The following SNTG2 variants were observed in gnomAD, a reference collection of about 807,000 sequenced individuals.
SNTG2 encodes the protein syntrophin gamma 2, also known as gamma-2-syntrophin.
SNTG2 carries 74 observed loss-of-function variants against 70.9 expected under a neutral mutation model. The ratio of observed to expected loss-of-function variants is 1.04; its 90% CI spans 0.86 to 1.27. SNTG2 has a LOEUF of 1.27. SNTG2 is among the 50% of genes most tolerant of loss of function. The pLI, the probability that SNTG2 is intolerant of heterozygous loss-of-function variation, is 0.00. For missense variants in SNTG2, 717 were observed against 690.7 expected, an observed-to-expected ratio of 1.04 and a Z score of -0.43; for synonymous variants, 278 against 273.8, an observed-to-expected ratio of 1.02 and a Z score of -0.15.
intron 1 of SNTG2, among the ~76,000 whole-genome samples, chr2:1,027,075 T>C (rs1389862781): frequency 6.6e-6 from 1 of 152,238 alleles, no homozygotes; most frequent in Non-Finnish European, 1.5e-5. Flanking sequence ...CAGTTAGTTC[T>C]CTGTGTCCCG....
intron 4 of SNTG2, among the ~76,000 whole-genome samples, chr2:1,117,681 A>G (rs1667124845): frequency 6.6e-6 from 1 of 152,214 alleles, no homozygotes; most frequent in East Asian, 1.9e-4. Context: ...CGAGCTCCCC[A>G]GAGTTCAAGC....
At chr2:1,326,798 A>C (rs570031286) in intron 16 of SNTG2, among the ~76,000 whole-genome samples, 2 of 152,314 alleles carry the variant, frequency 1.3e-5, no homozygotes, top group East Asian at 3.9e-4. Context: ...ACACAAGATA[A>C]AATTTTCATA....
chr2:1,307,112 G>T (rs1225246747), intron 14 of SNTG2, among the ~76,000 whole-genome samples: 2 of 148,722 alleles, frequency 1.3e-5, no homozygotes, highest in Non-Finnish European at 3.0e-5. Context: ...TGTGTGTGTG[G>T]TGTGTGAGCC....
chr2:988,784 A>G (rs1661409788), intron 1 of SNTG2, among the ~76,000 whole-genome samples: 1 of 152,094 alleles, frequency 6.6e-6, no homozygotes, highest in Non-Finnish European at 1.5e-5. Flanking sequence ...ATTTCTACAA[A>G]AACACCTGGT....
chr2:1,047,606 T>G (rs1022321021), intron 1 of SNTG2, among the ~76,000 whole-genome samples: 18 of 152,240 alleles, frequency 1.2e-4, no homozygotes, highest in African/African-American at 4.1e-4. Context: ...CCTCTTGCCT[T>G]TTGTTTCACA....
chr2:1,129,880 C>T (rs1667915094), intron 4 of SNTG2, among the ~76,000 whole-genome samples: 1 of 152,124 alleles, frequency 6.6e-6, no homozygotes, highest in African/African-American at 2.4e-5. Context: ...TATTTTATAA[C>T]ATGTCATCTT....
chr2:972,331 A>G (rs760242627), intron 1 of SNTG2, among the ~76,000 whole-genome samples: 1 of 152,194 alleles, frequency 6.6e-6, no homozygotes, highest in African/African-American at 2.4e-5. Context: ...GAGTCCATAC[A>G]CATTTAGCAT....
intron 7 of SNTG2, among the ~76,000 whole-genome samples, chr2:1,166,983 C>T (rs921379520): frequency 2.4e-4 from 37 of 152,218 alleles, no homozygotes; most frequent in Admixed American, 2.0e-3. Context: ...CTTCTGAGAG[C>T]TACCAACACT....
intron 1 of SNTG2, among the ~76,000 whole-genome samples, chr2:1,046,458 C>T (rs1250454815): frequency 2.0e-5 from 3 of 152,016 alleles, no homozygotes; most frequent in African/African-American, 2.4e-5. Flanking sequence ...GTTCAATGGT[C>T]TATGTATTTC....
intron 14 of SNTG2, among the ~76,000 whole-genome samples, chr2:1,302,948 CTAAG>C (rs1680521505): frequency 6.6e-6 from 1 of 151,892 alleles, no homozygotes; most frequent in Non-Finnish European, 1.5e-5. Context: ...CCCAGCCATC[CTAAG>C]TGAGTATTCA....
At chr2:1,311,634 A>G (rs1403488021) in intron 15 of SNTG2, among the ~76,000 whole-genome samples, 2 of 152,232 alleles carry the variant, frequency 1.3e-5, no homozygotes, top group African/African-American at 2.4e-5. Flanking sequence ...GATGAATGAT[A>G]TGATGAAAGA....
intron 14 of SNTG2, among the ~76,000 whole-genome samples, chr2:1,269,516 G>A (rs1234211169): frequency 6.6e-6 from 1 of 151,802 alleles, no homozygotes; most frequent in East Asian, 1.9e-4. Context: ...GTGAGACCCT[G>A]TCTCAAAAAA....
intron 9 of SNTG2, among the ~76,000 whole-genome samples, chr2:1,218,440 C>T (rs1322406584): frequency 3.3e-5 from 5 of 152,212 alleles, no homozygotes; most frequent in Admixed American, 6.5e-5. Flanking sequence ...GCCCATAGCA[C>T]GTCCACGCTT....
intron 13 of SNTG2, among the ~76,000 whole-genome samples, chr2:1,261,566 G>T (rs193071257): frequency 6.6e-6 from 1 of 152,298 alleles, no homozygotes; most frequent in East Asian, 1.9e-4. Context: ...ATGATAAACA[G>T]CTTTCGTGCA....
chr2:1,322,654 C>G (rs1000775925), intron 16 of SNTG2, among the ~76,000 whole-genome samples: 10 of 151,994 alleles, frequency 6.6e-5, no homozygotes, highest in Admixed American at 5.2e-4. Flanking sequence ...TCTCTCTCCC[C>G]CTCCTTCTAC....
intron 12 of SNTG2, among the ~76,000 whole-genome samples, chr2:1,250,671 GTCTC>G (rs1228146296): frequency 6.7e-6 from 1 of 148,878 alleles, no homozygotes; most frequent in Non-Finnish European, 1.5e-5. Context: ...TCCTCTCGAG[GTCTC>G]TCTCTTTCTC....
intron 16 of SNTG2, among the ~76,000 whole-genome samples, chr2:1,350,680 T>A (rs999261663): frequency 1.2e-4 from 19 of 152,084 alleles, no homozygotes; most frequent in African/African-American, 3.4e-4. Flanking sequence ...GGAACAGTGA[T>A]TGTAAGAAGT....
At position 1,293,699 on chromosome 2, in the gene SNTG2, CA is replaced by C. The variant is rs368970009; in HGVS notation, c.1285-14785del. Among the ~76,000 whole-genome samples the C allele has an allele frequency of 6.7e-3, 986 of 147,252 alleles. 8 individuals carry two copies. Among genetic ancestry groups the C allele is most frequent in the African/African-American group, 0.02 (822 of 40,346 alleles). ...ATTTCTAGTTACATTCCAATAAGTT[CA>C]AAAAAAAAAGATAATTGATAGAATT... On this transcript the variant is annotated intron_variant, in intron 14 of 16. Coordinates refer to ENST00000308624, the MANE Select transcript of SNTG2 (RefSeq NM_018968.4).
At position 997,202 on chromosome 2, in the gene SNTG2, A is replaced by G. The variant is rs547460507; in HGVS notation, c.72+46134A>G. 5.3e-5 allele frequency among the ~76,000 whole-genome samples: 8 copies of G among 152,350 alleles called. No homozygotes were observed. In the East Asian group the frequency reaches 1.4e-3, roughly 26 times the overall value. ...AGGATATAGAGCAGAAGGATATGAGAACATGTACTGGGGGCGTGACAAGCT... is the reference window on the plus strand; with the variant it reads ...AGGATATAGAGCAGAAGGATATGAGGACATGTACTGGGGGCGTGACAAGCT... On this transcript the variant is annotated intron_variant, in intron 1 of 16. Coordinates refer to ENST00000308624, the MANE Select transcript of SNTG2 (RefSeq NM_018968.4).
Sources: allele counts gnomAD v4.1 joint callset (sites outside exome capture counted in the v4.1 genomes callset), GRCh38; gene constraint gnomAD v4.1.1; transcripts MANE v1.5; gene names NCBI Gene and HGNC (gene_info 2026-07-23, HGNC 2026-07-21).